Variants in GLMN observed in about 807,000 individuals in gnomAD.
GLMN encodes glomulin, FKBP associated protein, also known as glomulin.
In GLMN, 75 loss-of-function variants were observed where a neutral mutation model predicts 87.8. The ratio of observed to expected loss-of-function variants is 0.85; its 90% confidence interval spans 0.71 to 1.04. The LOEUF (loss-of-function observed/expected upper bound fraction) is 1.04. Ranked by LOEUF, GLMN falls within the 50% of genes least tolerant of loss-of-function variation. The pLI is 0.00. For synonymous variants in GLMN, 206 were observed against 221.6 expected, an observed-to-expected ratio of 0.93 and a Z score of 0.63; for missense variants, 588 against 658.8, an observed-to-expected ratio of 0.89 and a Z score of 1.18.
At chr1:92,367,783 T>C in the GLMN span, among the ~76,000 whole-genome samples, 1 of 152,206 alleles carries the variant, frequency 6.6e-6, no homozygotes, top group South Asian at 2.1e-4. Context: ...TTCTCACAGC[T>C]CTTTATTCTG....
At chr1:92,271,214 A>G (rs1006948512) in intron 8 of GLMN, among the ~76,000 whole-genome samples, 1 of 152,126 alleles carries the variant, frequency 6.6e-6, no homozygotes, top group African/African-American at 2.4e-5. Context: ...TTCAAAACCA[A>G]GCCCTGTTTA....
At chr1:92,305,499 A>C in the GLMN span, among the ~76,000 whole-genome samples, 470 of 150,928 alleles carry the variant, frequency 3.1e-3, 3 homozygotes, top group Non-Finnish European at 5.9e-3. Context: ...TTCATAAAAT[A>C]AGATGGAAAA....
the GLMN span, chr1:92,346,009 T>C: frequency 1.2e-6 from 1 of 841,958 alleles, no homozygotes. Flanking sequence ...TAAACTGCCT[T>C]GGAAAATATC....
chr1:92,323,663 T>G, the GLMN span: 4 of 1,613,324 alleles, frequency 2.5e-6, no homozygotes, highest in East Asian at 8.9e-5. Context: ...AAAAGCATAA[T>G]GAAAAAGAAA....
intron 3 of GLMN, 100 bp from the exon 4 acceptor site, chr1:92,291,637 G>C: frequency 8.5e-7 from 1 of 1,180,262 alleles, no homozygotes; most frequent in South Asian, 1.3e-5. Flanking sequence ...TTCTGAAATA[G>C]GAAGATGAGA....
upstream of GLMN, among the ~76,000 whole-genome samples, chr1:92,299,736 T>C (rs1404653948): frequency 6.6e-6 from 1 of 152,238 alleles, no homozygotes; most frequent in Non-Finnish European, 1.5e-5. Flanking sequence ...TCTCCCTTCC[T>C]ATTTCATTTT....
At chr1:92,370,752 T>C in the GLMN span, among the ~76,000 whole-genome samples, 2 of 152,084 alleles carry the variant, frequency 1.3e-5, no homozygotes, top group Non-Finnish European at 2.9e-5. Context: ...TAATTCTTAA[T>C]AGAAGGAGAC....
At chr1:92,292,726 T>C (rs1374035317) in intron 3 of GLMN, among the ~76,000 whole-genome samples, 9 of 140,764 alleles carry the variant, frequency 6.4e-5, no homozygotes, top group Non-Finnish European at 1.1e-4. Flanking sequence ...CCCCGTCTTT[T>C]CTTTTCTTTT....
intron 7 of GLMN, among the ~76,000 whole-genome samples, chr1:92,285,336 C>T (rs1422684316): frequency 2.0e-5 from 3 of 152,126 alleles, no homozygotes; most frequent in Non-Finnish European, 4.4e-5. Context: ...AAGCTGGAAA[C>T]CACCATTCTA....
rs760687624 is a variant in GLMN, at chr1:92,283,829, GACAA to G, written c.735+2657_735+2660del. On this transcript the variant is annotated intron_variant, in intron 7 of 18. Transcript: ENST00000370360. ...CAAGCATTCCTATACACCAATAATAGACAAACAGAGAGCCAAATCATGAGTGAAT... is the reference window on the plus strand; with the variant it reads ...CAAGCATTCCTATACACCAATAATAGACAGAGAGCCAAATCATGAGTGAAT... Among the ~76,000 whole-genome samples, 14 of 152,134 alleles carry G rather than the reference GACAA, an allele frequency of 9.2e-5. No individual in the cohort carries two copies. The South Asian group carries it at 2.1e-3, about 23-fold the overall frequency.
chr1:92,248,920 C>G (rs1239773784), intron 16 of GLMN, among the ~76,000 whole-genome samples: 1 of 152,024 alleles, frequency 6.6e-6, no homozygotes, highest in Non-Finnish European at 1.5e-5. Context: ...AATATGCATA[C>G]CTTTTCACTT....
chr1:92,279,414 G>A (rs1647688947), intron 7 of GLMN, among the ~76,000 whole-genome samples: 1 of 133,854 alleles, frequency 7.5e-6, no homozygotes, highest in Non-Finnish European at 1.5e-5. Context: ...CTGAGATCAT[G>A]CCATTGAACG....
At chr1:92,361,850 T>TTTCTC in the GLMN span, among the ~76,000 whole-genome samples, 55,274 of 151,670 alleles carry the variant, frequency 0.36, 10,456 homozygotes, top group African/African-American at 0.42. Flanking sequence ...ACGTAACTGT[T>TTTCTC]TTCTGTGGAC....
chr1:92,275,141 G>C (rs1039355997), intron 7 of GLMN, among the ~76,000 whole-genome samples: 9 of 152,056 alleles, frequency 5.9e-5, no homozygotes, highest in African/African-American at 2.2e-4. Flanking sequence ...ATGCTTCCGT[G>C]GTCTTCCACC....
chr1:92,268,915 C>CTT (rs10706669), intron 9 of GLMN, among the ~76,000 whole-genome samples: 1 of 120,476 alleles, frequency 8.3e-6, no homozygotes. Context: ...CTGTAATTTC[C>CTT]TTTTTTTTTT....
the GLMN span, among the ~76,000 whole-genome samples, chr1:92,334,133 G>T: frequency 2.0e-5 from 3 of 152,150 alleles, no homozygotes; most frequent in Admixed American, 2.0e-4. Flanking sequence ...GGAAAAGTGT[G>T]TCAGTCATTA....
chr1:92,364,947 G>T, the GLMN span, among the ~76,000 whole-genome samples: 1 of 152,162 alleles, frequency 6.6e-6, no homozygotes, highest in African/African-American at 2.4e-5. Context: ...AGGCCCTTCA[G>T]AAGTGGCCCC....
the GLMN span, among the ~76,000 whole-genome samples, chr1:92,339,248 T>C: frequency 6.6e-6 from 1 of 152,130 alleles, no homozygotes; most frequent in Non-Finnish European, 1.5e-5. Context: ...TGAGATTTGC[T>C]CAAATTTGGA....
At chr1:92,262,694 G>A (rs1015488246) in intron 16 of GLMN, among the ~76,000 whole-genome samples, 169 bp downstream of exon 16, 1 of 152,212 alleles carries the variant, frequency 6.6e-6, no homozygotes, top group Non-Finnish European at 1.5e-5. Flanking sequence ...GATGTGGGGT[G>A]GTAAATGCTC....
Sources: allele counts gnomAD v4.1 joint callset (sites outside exome capture counted in the v4.1 genomes callset), GRCh38; gene constraint gnomAD v4.1.1; transcripts MANE v1.5; gene names NCBI Gene and HGNC (gene_info 2026-07-23, HGNC 2026-07-21).